EYS: variants seen among roughly 807,000 people sequenced by gnomAD.
EYS encodes the protein protein eyes shut homolog.
Under a neutral mutation model 282.1 loss-of-function variants are expected in EYS, and 250 were observed. The observed-to-expected ratio is 0.89, with a 90% confidence interval of 0.80 to 0.98. EYS has a LOEUF of 0.98. Among genes scored for constraint, EYS ranks in the 50% least tolerant of loss-of-function variants. EYS has a pLI of 0.00. For synonymous variants in EYS, 1,355 were observed against 1,282.9 expected (o/e 1.06, Z -1.20); for missense variants, 4,016 against 3,709.0 (o/e 1.08, Z -2.15).
At chr6:65,223,818 C>A (rs1333521458) in intron 12 of EYS, among the ~76,000 whole-genome samples, 1 of 152,088 alleles carries the variant, frequency 6.6e-6, no homozygotes, top group East Asian at 1.9e-4. Flanking sequence ...TTTCAGGGTC[C>A]CTCCACTGTG....
At chr6:64,046,150 T>C (rs1369803830) in intron 33 of EYS, among the ~76,000 whole-genome samples, 2 of 150,032 alleles carry the variant, frequency 1.3e-5, no homozygotes, top group South Asian at 4.2e-4. Flanking sequence ...ATTTTACATA[T>C]ATAAAATACA....
chr6:65,650,003 A>G (rs1373272905), intron 1 of EYS, among the ~76,000 whole-genome samples: 1 of 152,234 alleles, frequency 6.6e-6, no homozygotes, highest in African/African-American at 2.4e-5. Context: ...TAAATGTATT[A>G]AAATGGATAT....
chr6:63,818,841 G>T (rs319918), intron 36 of EYS, among the ~76,000 whole-genome samples: 278 of 152,250 alleles, frequency 1.8e-3, no homozygotes, highest in African/African-American at 6.4e-3. Flanking sequence ...GGAAACCTCC[G>T]TGTGGCCCTG....
chr6:65,573,271 A>T (rs950889655), intron 2 of EYS, among the ~76,000 whole-genome samples: 1 of 152,174 alleles, frequency 6.6e-6, no homozygotes, highest in African/African-American at 2.4e-5. Context: ...TATAGAAAGG[A>T]TCACTGATGA....
intron 12 of EYS, among the ~76,000 whole-genome samples, chr6:65,087,304 T>A (rs555706914): frequency 6.6e-6 from 1 of 152,138 alleles, no homozygotes; most frequent in African/African-American, 2.4e-5. Context: ...TGGTTTGGTT[T>A]ATTTTCCATT....
intron 12 of EYS, among the ~76,000 whole-genome samples, chr6:65,075,003 G>A (rs1774003880): frequency 6.6e-6 from 1 of 152,034 alleles, no homozygotes; most frequent in South Asian, 2.1e-4. Context: ...TGTAATACAA[G>A]TAGTCATTGT....
intron 5 of EYS, among the ~76,000 whole-genome samples, chr6:65,460,072 T>A (rs1764774335): frequency 8.1e-6 from 1 of 123,434 alleles, no homozygotes; most frequent in Non-Finnish European, 1.7e-5. Context: ...TGTATATATG[T>A]ATACACACAC....
rs375632987 is a variant in EYS at position 65,379,477 on chromosome 6, A to G, written c.1299+4909T>C. Among the ~76,000 whole-genome samples, 65 of 152,228 alleles carry G rather than the reference A, an allele frequency of 4.3e-4. No individual in the cohort carries two copies. In the South Asian group the frequency reaches 0.013, roughly 31 times the overall value. On this transcript the variant is annotated intron_variant, in intron 8 of 42. Coordinates refer to ENST00000503581, the MANE Select transcript of EYS (RefSeq NM_001142800.2). ...TGGTGGAACATATATCAAAATAATA[A>G]GGGCTATTTATGACAAACCCATAGC...
rs553132098 is a variant in EYS, at chr6:65,338,852, A to G, written c.1600-3706T>C. ...CCCCAAAGTCACTTCATCTGTAGAG[A>G]AATTAACCTTCCTGAAGGATATTTA... On this transcript the variant is annotated intron_variant, in intron 10 of 42. Coordinates refer to ENST00000503581, the MANE Select transcript of EYS (RefSeq NM_001142800.2). Among the ~76,000 whole-genome samples, 4 of 151,312 alleles carry G rather than the reference A, an allele frequency of 2.6e-5. No individual in the cohort carries two copies. In the South Asian group the frequency reaches 8.3e-4, roughly 31 times the overall value.
At position 63,952,687 on chromosome 6, in the gene EYS, C is replaced by T. The variant is rs192852527; in HGVS notation, c.7055+31696G>A. On this transcript the variant is annotated intron_variant, in intron 35 of 42. Transcript: ENST00000503581. ...ATCTGCTTCCCTGACTATTCCTAGG[C>T]TACAGCCACACCTCATTGCTGCCCT... 4.6e-5 allele frequency among the ~76,000 whole-genome samples: 7 copies of T among 152,274 alleles called. No homozygotes were observed. In the East Asian group the frequency reaches 1.4e-3, roughly 29 times the overall value.
At chr6:63,977,298 A>T (rs1034695450) in intron 35 of EYS, among the ~76,000 whole-genome samples, 1 of 152,020 alleles carries the variant, frequency 6.6e-6, no homozygotes, top group Non-Finnish European at 1.5e-5. Context: ...TTGTGTCAAG[A>T]ACATTCCAAA....
chr6:63,900,971 A>G (rs1395168103), intron 35 of EYS, among the ~76,000 whole-genome samples: 1 of 152,242 alleles, frequency 6.6e-6, no homozygotes, highest in Non-Finnish European at 1.5e-5. Flanking sequence ...GCCAGTACTC[A>G]ACAAAAAAAG....
chr6:64,580,896 C>A (rs943704329), intron 26 of EYS, among the ~76,000 whole-genome samples: 17 of 151,886 alleles, frequency 1.1e-4, no homozygotes, highest in Admixed American at 2.0e-4. Flanking sequence ...AAAGTTTACC[C>A]TGAAGTTTAG....
At chr6:65,277,934 T>C (rs1190326933) in intron 12 of EYS, among the ~76,000 whole-genome samples, 1 of 152,164 alleles carries the variant, frequency 6.6e-6, no homozygotes. Flanking sequence ...GATATTTGCT[T>C]AAACATTGTG....
intron 40 of EYS, among the ~76,000 whole-genome samples, chr6:63,774,669 A>G (rs972526472): frequency 1.8e-4 from 28 of 152,196 alleles, no homozygotes; most frequent in African/African-American, 6.0e-4. Context: ...CCATTCCACA[A>G]TGTATATATA....
At chr6:64,447,447 C>T (rs1230288474) in intron 26 of EYS, among the ~76,000 whole-genome samples, 2 of 144,452 alleles carry the variant, frequency 1.4e-5, no homozygotes, top group Admixed American at 7.0e-5. Flanking sequence ...ACATATGCTT[C>T]TTGAAATTCT....
intron 35 of EYS, among the ~76,000 whole-genome samples, chr6:63,943,781 A>G (rs1169661695): frequency 1.3e-5 from 2 of 152,178 alleles, no homozygotes; most frequent in South Asian, 2.1e-4. Context: ...CAAAATTACT[A>G]TTCTCTCCAT....
In EYS at chr6:65,658,077, A is replaced by C. The variant is rs932665333; in HGVS notation, c.-447-18185T>G. Among the ~76,000 whole-genome samples, 7 of 151,818 alleles carry C rather than the reference A, an allele frequency of 4.6e-5. No homozygotes were observed. In the South Asian group the frequency reaches 8.3e-4, roughly 18 times the overall value. On this transcript the variant is annotated intron_variant, in intron 1 of 42. Coordinates refer to ENST00000503581, the MANE Select transcript of EYS (RefSeq NM_001142800.2). ...TGTTATTGCACACTTAATAGATTAC[A>C]GTATAGTGTAAGCATAAGCTTTATA...
intron 2 of EYS, among the ~76,000 whole-genome samples, chr6:65,561,930 T>C (rs1392175827): frequency 1.3e-5 from 2 of 151,640 alleles, no homozygotes; most frequent in African/African-American, 4.8e-5. Flanking sequence ...TAAATGGTTA[T>C]AAAAATACAG....
Sources: allele counts gnomAD v4.1 joint callset (sites outside exome capture counted in the v4.1 genomes callset), GRCh38; gene constraint gnomAD v4.1.1; transcripts MANE v1.5; gene names NCBI Gene and HGNC (gene_info 2026-07-23, HGNC 2026-07-21).